The following NALF1 variants were observed in gnomAD, a reference collection of about 807,000 sequenced individuals.
The protein encoded by NALF1 is NALCN channel auxiliary factor 1, also known as family with sequence similarity 155 member A.
Under a neutral mutation model 48.4 loss-of-function variants are expected in NALF1, and 3 were observed. That is an observed-to-expected ratio of 0.06 (90% CI 0.03 to 0.16). The LOEUF is 0.16. Ranked by LOEUF, NALF1 falls within the 10% of genes least tolerant of loss-of-function variation. NALF1 has a pLI of 1.00. For missense variants in NALF1, 526 were observed against 571.5 expected (o/e 0.92, Z 0.81); for synonymous variants, 262 against 245.7 (o/e 1.07, Z -0.62).
intron 1 of NALF1, among the ~76,000 whole-genome samples, chr13:107,384,994 A>G (rs1282727692): frequency 8.5e-5 from 13 of 152,190 alleles, no homozygotes; most frequent in Non-Finnish European, 1.5e-5. Flanking sequence ...CCATCTACAG[A>G]AAGTGGGTGG....
intron 1 of NALF1, among the ~76,000 whole-genome samples, chr13:107,218,430 C>T (rs1879921593): frequency 6.6e-6 from 1 of 152,166 alleles, no homozygotes; most frequent in Admixed American, 6.5e-5. Flanking sequence ...AGTAACATGG[C>T]CTTTGGGCTT....
chr13:107,268,388 C>T (rs9555337), intron 1 of NALF1, among the ~76,000 whole-genome samples: 40,471 of 151,856 alleles, frequency 0.27, 6,200 homozygotes, highest in East Asian at 0.52. Flanking sequence ...ACTACTGTGC[C>T]CAAAGCTACC....
chr13:107,666,416 T>C (rs909549001), intron 1 of NALF1, among the ~76,000 whole-genome samples: 1 of 152,150 alleles, frequency 6.6e-6, no homozygotes, highest in African/African-American at 2.4e-5. Context: ...TGACAATGCT[T>C]CAAAGAAATA....
At chr13:107,238,553 G>T (rs778488361) in intron 1 of NALF1, among the ~76,000 whole-genome samples, 5 of 152,166 alleles carry the variant, frequency 3.3e-5, no homozygotes, top group Admixed American at 2.0e-4. Context: ...AAATCTGTGG[G>T]AGCACATGCG....
At chr13:107,540,613 A>C (rs1200045700) in intron 1 of NALF1, among the ~76,000 whole-genome samples, 1 of 152,132 alleles carries the variant, frequency 6.6e-6, no homozygotes, top group East Asian at 1.9e-4. Flanking sequence ...TTCCACAGTG[A>C]CTGCTGGTAC....
chr13:107,794,344 A>C (rs1193338448), intron 1 of NALF1, among the ~76,000 whole-genome samples: 1 of 152,146 alleles, frequency 6.6e-6, no homozygotes, highest in Non-Finnish European at 1.5e-5. Context: ...CCTCTTGAAT[A>C]ATCGTTGAGT....
At chr13:107,380,313 ATTAT>A (rs916511681) in intron 1 of NALF1, among the ~76,000 whole-genome samples, 3 of 152,126 alleles carry the variant, frequency 2.0e-5, no homozygotes, top group African/African-American at 7.2e-5. Context: ...TCAAGATCTG[ATTAT>A]TTATGTGATA....
chr13:107,183,953 C>T (rs538235968), intron 2 of NALF1, among the ~76,000 whole-genome samples: 1 of 151,986 alleles, frequency 6.6e-6, no homozygotes, highest in African/African-American at 2.4e-5. Flanking sequence ...ACACCACTTG[C>T]ATATTTTCTA....
chr13:107,322,403 C>T (rs1465803869), intron 1 of NALF1, among the ~76,000 whole-genome samples: 1 of 150,716 alleles, frequency 6.6e-6, no homozygotes, highest in Non-Finnish European at 1.5e-5. Flanking sequence ...ATTTTAGATT[C>T]TCGTGATGAC....
chr13:107,179,673 A>C (rs1274899299), intron 2 of NALF1, among the ~76,000 whole-genome samples: 1 of 148,060 alleles, frequency 6.8e-6, no homozygotes, highest in Non-Finnish European at 1.5e-5. Context: ...TTGAAAACTA[A>C]AAAAAAAAAA....
At chr13:107,573,938 G>A (rs1012291955) in intron 1 of NALF1, among the ~76,000 whole-genome samples, 2 of 152,008 alleles carry the variant, frequency 1.3e-5, no homozygotes, top group Non-Finnish European at 2.9e-5. Context: ...CCCAGTCTTG[G>A]GTATGTCTTT....
intron 1 of NALF1, among the ~76,000 whole-genome samples, chr13:107,378,141 T>G (rs759719867): frequency 6.6e-6 from 1 of 152,164 alleles, no homozygotes; most frequent in African/African-American, 2.4e-5. Context: ...CCGAGTTGCC[T>G]GAAAGCTCAG....
chr13:107,744,102 G>A (rs1483448067), intron 1 of NALF1, among the ~76,000 whole-genome samples: 3 of 152,202 alleles, frequency 2.0e-5, no homozygotes, highest in East Asian at 1.9e-4. Context: ...CTGGCTGACT[G>A]TGAGGCAAGA....
intron 1 of NALF1, among the ~76,000 whole-genome samples, chr13:107,322,642 T>C (rs950968684): frequency 1.3e-5 from 2 of 152,140 alleles, no homozygotes; most frequent in Non-Finnish European, 2.9e-5. Flanking sequence ...CTGGATGTGC[T>C]CCTCTGGTCC....
rs1055751172 is a variant in NALF1 at position 107,690,110 on chromosome 13, T to C, written c.915+175572A>G. Among the ~76,000 whole-genome samples, 9 of 152,300 alleles carry C rather than the reference T, an allele frequency of 5.9e-5. 1 individual carries two copies. The East Asian group carries it at 1.7e-3, about 29-fold the overall frequency. On this transcript the variant is annotated intron_variant, in intron 1 of 2. Transcript: ENST00000375915. ...TAAGTCTTATTGTTCCTATATTTTT[T>C]ACACATGAAGAATATGAAAAAAGAG... is the stretch of plus-strand genomic sequence containing the variant.
At chr13:107,763,351 T>C (rs1393930548) in intron 1 of NALF1, among the ~76,000 whole-genome samples, 1 of 151,982 alleles carries the variant, frequency 6.6e-6, no homozygotes, top group Non-Finnish European at 1.5e-5. Flanking sequence ...TAATGTCCAC[T>C]TACAGCCTTA....
chr13:107,335,947 G>C (rs2138928622), intron 1 of NALF1, among the ~76,000 whole-genome samples: 1 of 152,004 alleles, frequency 6.6e-6, no homozygotes, highest in East Asian at 1.9e-4. Context: ...TCAGTTTTAG[G>C]AAATGCTTTT....
intron 1 of NALF1, among the ~76,000 whole-genome samples, chr13:107,402,353 C>T (rs1015951537): frequency 7.9e-5 from 12 of 152,168 alleles, no homozygotes; most frequent in African/African-American, 2.9e-4. Flanking sequence ...GGAATTAATC[C>T]TTCCACAGTC....
At chr13:107,660,467 ACACACACACACAC>A (rs1566434036) in intron 1 of NALF1, among the ~76,000 whole-genome samples, 32 of 124,136 alleles carry the variant, frequency 2.6e-4, no homozygotes, top group Non-Finnish European at 2.8e-4. Flanking sequence ...ACACACACAC[ACACACACACACAC>A]ACACAACAAA....
Sources: gnomAD v4.1 joint callset for allele counts (sites outside exome capture counted in the v4.1 genomes callset) on GRCh38, gnomAD v4.1.1 for gene constraint, MANE v1.5 for transcripts, NCBI Gene and HGNC (gene_info 2026-07-23, HGNC 2026-07-21) for gene names.